Variants in NWD2 observed in about 807,000 individuals in gnomAD.
NWD2 encodes the protein NACHT and WD repeat domain-containing protein 2.
NWD2 carries 37 observed loss-of-function variants against 132.7 expected under a neutral mutation model. That is an observed-to-expected ratio of 0.28 (90% CI 0.21 to 0.37). The LOEUF (loss-of-function observed/expected upper bound fraction) is 0.37. NWD2 is among the 10% of genes least tolerant of loss of function. NWD2 has a pLI of 1.00. For missense variants in NWD2, 1,592 were observed against 2,122.4 expected (o/e 0.75, Z 4.91); for synonymous variants, 705 against 803.0 (o/e 0.88, Z 2.06).
At chr4:37,247,181 T>G (rs1326891446) in intron 1 of NWD2, among the ~76,000 whole-genome samples, 2 of 152,168 alleles carry the variant, frequency 1.3e-5, no homozygotes, top group African/African-American at 4.8e-5. Context: ...TTATCCAAAT[T>G]GGAGAGCGGA....
At chr4:37,319,729 G>A (rs777086001) in intron 1 of NWD2, among the ~76,000 whole-genome samples, 2 of 151,944 alleles carry the variant, frequency 1.3e-5, no homozygotes, top group Admixed American at 6.6e-5. Flanking sequence ...TTGAATAGGG[G>A]GTCCTTTCCC....
At chr4:37,354,719 C>T (rs761925786) in intron 2 of NWD2, among the ~76,000 whole-genome samples, 12 of 152,176 alleles carry the variant, frequency 7.9e-5, no homozygotes, top group Non-Finnish European at 1.5e-4. Context: ...GAACATCCTT[C>T]CCAAGGGTGG....
At chr4:37,314,466 A>G (rs1379407543) in intron 1 of NWD2, among the ~76,000 whole-genome samples, 1 of 152,172 alleles carries the variant, frequency 6.6e-6, no homozygotes, top group Admixed American at 6.5e-5. Flanking sequence ...ATATATTCAG[A>G]TTATCTTTCT....
rs138976843 is a variant in NWD2 at position 37,390,036 on chromosome 4, C to T, written c.357+33554C>T. 2.9e-3 allele frequency among the ~76,000 whole-genome samples: 446 copies of T among 152,316 alleles called. 1 individual carries two copies. Among genetic ancestry groups the T allele is most frequent in the South Asian group, 5.2e-3 (25 of 4,824 alleles). On this transcript the variant is annotated intron_variant, in intron 3 of 6. Coordinates refer to ENST00000309447, the MANE Select transcript of NWD2 (RefSeq NM_001144990.2). ...AACTCTTGACCTCAGGTGATCCGCC[C>T]GCCTCAGCCTCCCAAGGTGCTGGGA...
At chr4:37,408,457 C>G (rs1721088164) in intron 3 of NWD2, among the ~76,000 whole-genome samples, 1 of 152,212 alleles carries the variant, frequency 6.6e-6, no homozygotes, top group Non-Finnish European at 1.5e-5. Flanking sequence ...CTCAGCAAGG[C>G]TGCTATGGCC....
chr4:37,249,037 A>C (rs1019479980), intron 1 of NWD2, among the ~76,000 whole-genome samples: 1 of 152,222 alleles, frequency 6.6e-6, no homozygotes, highest in Non-Finnish European at 1.5e-5. Context: ...GGAAATGTCT[A>C]TCTGATATGG....
chr4:37,412,042 A>G (rs1721169957), intron 3 of NWD2, among the ~76,000 whole-genome samples: 1 of 152,224 alleles, frequency 6.6e-6, no homozygotes, highest in South Asian at 2.1e-4. Context: ...TGAATGGGCA[A>G]AAACTGGAAG....
chr4:37,413,573 A>G (rs1385331036), intron 3 of NWD2, among the ~76,000 whole-genome samples: 1 of 152,226 alleles, frequency 6.6e-6, no homozygotes, highest in African/African-American at 2.4e-5. Flanking sequence ...CGATTCCTCA[A>G]GGATCTAGAA....
intron 1 of NWD2, among the ~76,000 whole-genome samples, chr4:37,270,387 G>A (rs997960723): frequency 2.0e-5 from 3 of 151,496 alleles, no homozygotes; most frequent in Non-Finnish European, 4.4e-5. Flanking sequence ...TTCTCTATTC[G>A]AAAAAAGCAT....
At chr4:37,430,936 C>T (rs969545120) in intron 4 of NWD2, among the ~76,000 whole-genome samples, 161 bp downstream of exon 4, 10 of 152,116 alleles carry the variant, frequency 6.6e-5, no homozygotes, top group African/African-American at 2.4e-4. Context: ...CACACTGATC[C>T]TTAGGCAAAC....
At chr4:37,339,703 CAAGTAT>C (rs1200722560) in intron 2 of NWD2, among the ~76,000 whole-genome samples, 1 of 152,148 alleles carries the variant, frequency 6.6e-6, no homozygotes, top group Non-Finnish European at 1.5e-5. Flanking sequence ...AATAGGGGTA[CAAGTAT>C]GGTTTTAGTG....
intron 3 of NWD2, among the ~76,000 whole-genome samples, chr4:37,406,264 C>A (rs1397745958): frequency 6.6e-6 from 1 of 152,106 alleles, no homozygotes; most frequent in Non-Finnish European, 1.5e-5. Flanking sequence ...GTGAAACAGA[C>A]CGACACATCC....
At chr4:37,382,712 G>A (rs1023749225) in intron 3 of NWD2, among the ~76,000 whole-genome samples, 1 of 151,614 alleles carries the variant, frequency 6.6e-6, no homozygotes, top group Non-Finnish European at 1.5e-5. Flanking sequence ...ATTTATTGAG[G>A]CAGGCTCTGG....
chr4:37,288,865 TAATGG>T (rs1454571648), intron 1 of NWD2, among the ~76,000 whole-genome samples: 2 of 152,162 alleles, frequency 1.3e-5, no homozygotes, highest in Non-Finnish European at 2.9e-5. Context: ...TTTAGGAACA[TAATGG>T]AATGGACATG....
chr4:37,366,909 G>A (rs543088353), intron 3 of NWD2, among the ~76,000 whole-genome samples: 108 of 152,078 alleles, frequency 7.1e-4, no homozygotes, highest in African/African-American at 2.5e-3. Flanking sequence ...AACATCTTTC[G>A]GTATCTAAGA....
chr4:37,276,538 T>A (rs965113355), intron 1 of NWD2, among the ~76,000 whole-genome samples: 2 of 152,112 alleles, frequency 1.3e-5, no homozygotes, highest in Admixed American at 6.5e-5. Flanking sequence ...GTGTGGTGAT[T>A]CCTCAGAGAT....
At chr4:37,387,222 AAAC>A (rs1455371112) in intron 3 of NWD2, among the ~76,000 whole-genome samples, 1 of 152,220 alleles carries the variant, frequency 6.6e-6, no homozygotes, top group Non-Finnish European at 1.5e-5. Context: ...AAAAAATTAA[AAAC>A]AAATGGAATT....
intron 1 of NWD2, among the ~76,000 whole-genome samples, chr4:37,280,684 G>C (rs1483186559): frequency 6.6e-6 from 1 of 152,106 alleles, no homozygotes; most frequent in Admixed American, 6.6e-5. Flanking sequence ...TAAGAAAGGG[G>C]ACTGTCAGCA....
chr4:37,305,836 T>C (rs969578499), intron 1 of NWD2, among the ~76,000 whole-genome samples: 23 of 152,196 alleles, frequency 1.5e-4, no homozygotes, highest in African/African-American at 5.5e-4. Context: ...GCTACTCTTA[T>C]AGAATTAATA....
Sources: allele counts gnomAD v4.1 joint callset (sites outside exome capture counted in the v4.1 genomes callset), GRCh38; gene constraint gnomAD v4.1.1; transcripts MANE v1.5; gene names NCBI Gene and HGNC (gene_info 2026-07-23, HGNC 2026-07-21).